Variants in ERC2 observed in about 807,000 individuals in gnomAD.
ERC2 encodes the protein ERC protein 2.
ERC2 carries 42 observed loss-of-function variants against 114.8 expected under a neutral mutation model. The ratio of observed to expected loss-of-function variants is 0.37; its 90% confidence interval spans 0.29 to 0.47. ERC2 has a LOEUF of 0.47. ERC2 is among the 20% of genes least tolerant of loss of function. The pLI is 0.99. For missense variants in ERC2, 939 were observed against 1,150.7 expected (o/e 0.82, Z 2.66); for synonymous variants, 454 against 425.5 (o/e 1.07, Z -0.82).
At chr3:55,614,003 A>C in intron 17 of ERC2, among the ~76,000 whole-genome samples, 1 of 150,904 alleles carries the variant, frequency 6.6e-6, no homozygotes, top group South Asian at 2.1e-4. Context: ...AAAAAAAAAA[A>C]AAAAAAAAAA....
intron 15 of ERC2, among the ~76,000 whole-genome samples, chr3:55,719,180 T>C (rs928479463): frequency 6.6e-6 from 1 of 152,156 alleles, no homozygotes. Flanking sequence ...TTCTAAGCCA[T>C]TGGGTTTAGT....
At chr3:55,758,412 G>A (rs950647689) in intron 14 of ERC2, among the ~76,000 whole-genome samples, 10 of 152,144 alleles carry the variant, frequency 6.6e-5, no homozygotes, top group Non-Finnish European at 1.5e-4. Flanking sequence ...CTCATTTCAC[G>A]CTTTTCCAGA....
chr3:55,638,249 G>T (rs1357761489), intron 17 of ERC2, among the ~76,000 whole-genome samples: 1 of 152,112 alleles, frequency 6.6e-6, no homozygotes, highest in African/African-American at 2.4e-5. Context: ...CTCCTCCATG[G>T]GGTTTTTGTG....
At chr3:55,959,375 C>T (rs2068202479) in intron 12 of ERC2, among the ~76,000 whole-genome samples, 1 of 152,142 alleles carries the variant, frequency 6.6e-6, no homozygotes, top group Non-Finnish European at 1.5e-5. Context: ...TGCCTGAAAG[C>T]CAATGCTAAG....
chr3:56,290,732 C>G (rs2055028445), intron 3 of ERC2, among the ~76,000 whole-genome samples: 1 of 152,186 alleles, frequency 6.6e-6, no homozygotes, highest in African/African-American at 2.4e-5. Flanking sequence ...TTAAGAAATT[C>G]CAGGTAATAC....
Position 55,621,093 on chromosome 3 carries a change from C to G in ERC2, c.*39+62701G>C, listed in dbSNP as rs142515300. Reference sequence around the variant, plus strand: ...GCACATTCTTCATATTAGCATCATCCATACCCCATTTCCATTCTGTCCCCT... The same window carrying G: ...GCACATTCTTCATATTAGCATCATCGATACCCCATTTCCATTCTGTCCCCT... On this transcript the variant is annotated intron_variant, in intron 17 of 17. Coordinates refer to ENST00000288221, the MANE Select transcript of ERC2 (RefSeq NM_015576.3). Among the ~76,000 whole-genome samples the G allele has an allele frequency of 2.0e-4, 31 of 152,228 alleles. No individual in the cohort carries two copies. The East Asian group carries it at 6.0e-3, about 29-fold the overall frequency.
rs373458343 is a variant in ERC2 at position 55,734,965 on chromosome 3, A to C, written c.2565-47T>G. The C allele has an allele frequency of 1.2e-3, 1,836 of 1,484,772 alleles. 3 individuals are homozygous for C. Among genetic ancestry groups the C allele is most frequent in the Non-Finnish European group, 1.5e-3 (1,707 of 1,116,328 alleles). The allele number at this position is 1,484,772 out of a possible 1,614,324, so 92.0% of individuals were successfully genotyped here. A position where few individuals can be genotyped will look rare whatever the true frequency, so the allele number is the denominator to read the frequency against. ...AGATCATTTTTGTAAAATAAAAAAA[A>C]AAACAAACAATTGGCATTTATAGTT... On this transcript the variant is annotated intron_variant, in intron 14 of 17. Transcript: ENST00000288221.
rs1434760663 is a variant in ERC2, at chr3:56,296,447, A to C, written c.658-12T>G. 6.3e-7 allele frequency: 1 copy of C among 1,596,704 alleles called. No homozygotes were observed. Among genetic ancestry groups the C allele is most frequent in the Admixed American group, 1.7e-5 (1 of 58,082 alleles). On this transcript the variant is annotated splice_polypyrimidine_tract_variant and intron_variant, in intron 2 of 17. Coordinates refer to ENST00000288221, the MANE Select transcript of ERC2 (RefSeq NM_015576.3). ...GTCAACTGTAGGTGCTGCAATGAGA[A>C]AGATGGAGCGGGAGAGGAGAAAGAA...
intron 17 of ERC2, among the ~76,000 whole-genome samples, chr3:55,682,992 T>C (rs1218854122): frequency 1.3e-5 from 2 of 152,220 alleles, no homozygotes; most frequent in Admixed American, 6.5e-5. Flanking sequence ...TAATTACATG[T>C]GTCACTATTC....
chr3:56,354,708 G>A (rs1368892129), intron 2 of ERC2, among the ~76,000 whole-genome samples: 1 of 152,164 alleles, frequency 6.6e-6, no homozygotes, highest in African/African-American at 2.4e-5. Context: ...CTATGCCTAA[G>A]TTCCCAAACA....
chr3:55,610,211 T>G (rs112663650), intron 17 of ERC2, among the ~76,000 whole-genome samples: 6 of 152,140 alleles, frequency 3.9e-5, no homozygotes, highest in African/African-American at 1.2e-4. Flanking sequence ...AGATGACCCA[T>G]TAGCACCCCT....
intron 6 of ERC2, among the ~76,000 whole-genome samples, chr3:56,138,217 G>A (rs536889792): frequency 1.4e-4 from 22 of 151,894 alleles, no homozygotes; most frequent in African/African-American, 4.6e-4. Context: ...CCGCCACCAC[G>A]CCCAGCTAAT....
At chr3:56,019,183 T>C (rs1001630937) in intron 7 of ERC2, among the ~76,000 whole-genome samples, 152 bp from the exon 8 acceptor site, 22 of 152,246 alleles carry the variant, frequency 1.4e-4, no homozygotes, top group East Asian at 5.8e-4. Flanking sequence ...GCCATTTTGA[T>C]GAAATCTTCA....
chr3:55,531,384 T>C (rs1220133800), intron 17 of ERC2, among the ~76,000 whole-genome samples: 1 of 152,136 alleles, frequency 6.6e-6, no homozygotes, highest in Non-Finnish European at 1.5e-5. Flanking sequence ...GAGTAACTTC[T>C]AGGAAAAGGA....
intron 14 of ERC2, among the ~76,000 whole-genome samples, chr3:55,773,725 G>GT (rs1325179839): frequency 1.3e-5 from 2 of 152,058 alleles, no homozygotes; most frequent in African/African-American, 4.8e-5. Context: ...ATTTCAATTT[G>GT]TTTTTTAAAA....
chr3:56,366,400 C>A (rs1333861126), intron 2 of ERC2, among the ~76,000 whole-genome samples: 1 of 151,780 alleles, frequency 6.6e-6, no homozygotes, highest in African/African-American at 2.4e-5. Context: ...GGACACCCCC[C>A]AAAGATACAA....
chr3:56,092,166 G>A (rs1267290200), intron 6 of ERC2, among the ~76,000 whole-genome samples: 2 of 152,142 alleles, frequency 1.3e-5, no homozygotes, highest in African/African-American at 4.8e-5. Flanking sequence ...GCTTATAAAA[G>A]TTAAGTTACA....
At chr3:55,879,099 A>ATTTTTTTTTTTTTTTTTTTTTTTTT (rs3047064) in intron 14 of ERC2, among the ~76,000 whole-genome samples, 2 of 127,822 alleles carry the variant, frequency 1.6e-5, no homozygotes, top group African/African-American at 3.0e-5. Flanking sequence ...CTTTTTCTTA[A>ATTTTTTTTTTTTTTTTTTTTTTTTT]TTTTTTTTTT....
intron 3 of ERC2, among the ~76,000 whole-genome samples, chr3:56,286,336 C>T (rs2054703712): frequency 6.7e-6 from 1 of 149,894 alleles, no homozygotes; most frequent in Non-Finnish European, 1.5e-5. Context: ...ATCGCTTGAA[C>T]CCAGGAGGCG....
Sources: allele counts gnomAD v4.1 joint callset (sites outside exome capture counted in the v4.1 genomes callset), GRCh38; gene constraint gnomAD v4.1.1; transcripts MANE v1.5; gene names NCBI Gene and HGNC (gene_info 2026-07-23, HGNC 2026-07-21).